The following NRXN1 variants were observed in gnomAD, a reference collection of about 807,000 sequenced individuals.
NRXN1 encodes the protein neurexin 1.
Under a neutral mutation model 150.9 loss-of-function variants are expected in NRXN1, and 39 were observed. The observed-to-expected ratio is 0.26, with a 90% CI of 0.20 to 0.34. The LOEUF is 0.34. Ranked by LOEUF, NRXN1 falls within the 10% of genes least tolerant of loss-of-function variation. The probability of loss-of-function intolerance (pLI) is 1.00; values close to 1 mark genes in which losing one functional copy is unlikely to be tolerated. For synonymous variants in NRXN1, 924 were observed against 757.0 expected (o/e 1.22, Z -3.62); for missense variants, 1,815 against 1,949.9 (o/e 0.93, Z 1.30).
At position 50,079,733 on chromosome 2, in the gene NRXN1, A is replaced by T. The variant is rs867116826; in HGVS notation, c.3718+11590T>A. Among the ~76,000 whole-genome samples, 10 of 152,114 alleles carry T rather than the reference A, an allele frequency of 6.6e-5. No individual in the cohort carries two copies. In the South Asian group the frequency reaches 2.1e-3, roughly 31 times the overall value. ...AATACTAAATCATACAGAATAAGAA[A>T]ATAATGGTGAGACAAAGTTGAAAAA... On this transcript the variant is annotated intron_variant, in intron 19 of 22. Coordinates refer to ENST00000401669, the MANE Select transcript of NRXN1 (RefSeq NM_001330078.2).
At chr2:50,001,638 T>C (rs2152534265) in intron 21 of NRXN1, among the ~76,000 whole-genome samples, 1 of 152,254 alleles carries the variant, frequency 6.6e-6, no homozygotes, top group South Asian at 2.1e-4. Flanking sequence ...AATAATAACA[T>C]TTAATTTTTA....
At chr2:50,867,917 T>C (rs1338716770) in intron 5 of NRXN1, among the ~76,000 whole-genome samples, 1 of 151,616 alleles carries the variant, frequency 6.6e-6, no homozygotes, top group African/African-American at 2.4e-5. Context: ...TAGAACAAGA[T>C]GCACTTTTTG....
intron 17 of NRXN1, among the ~76,000 whole-genome samples, chr2:50,264,641 A>T (rs13397378): frequency 6.6e-6 from 1 of 152,104 alleles, no homozygotes; most frequent in African/African-American, 2.4e-5. Context: ...CAGCACAAGG[A>T]TGATCTCCCT....
intron 5 of NRXN1, among the ~76,000 whole-genome samples, chr2:50,716,711 G>A (rs184043940): frequency 6.1e-4 from 93 of 152,048 alleles, no homozygotes; most frequent in Non-Finnish European, 9.9e-4. Context: ...CTGGATTTCC[G>A]GAGCTAACAA....
intron 19 of NRXN1, among the ~76,000 whole-genome samples, chr2:50,081,970 G>A (rs1434713273): frequency 6.6e-6 from 1 of 152,028 alleles, no homozygotes; most frequent in East Asian, 1.9e-4. Flanking sequence ...TTATAAAAGC[G>A]ACTGTTATAA....
chr2:50,946,898 A>T (rs1462286585), intron 2 of NRXN1, among the ~76,000 whole-genome samples: 3 of 152,192 alleles, frequency 2.0e-5, no homozygotes, highest in Non-Finnish European at 4.4e-5. Flanking sequence ...AATATTGCTT[A>T]AACTGTCCAT....
intron 2 of NRXN1, among the ~76,000 whole-genome samples, chr2:50,954,914 G>A (rs536786333): frequency 1.1e-4 from 17 of 152,268 alleles, no homozygotes; most frequent in African/African-American, 3.9e-4. Flanking sequence ...AGAGATTGGT[G>A]TACAGCATTT....
chr2:50,067,537 A>G (rs1454755240), intron 19 of NRXN1, among the ~76,000 whole-genome samples: 2 of 152,198 alleles, frequency 1.3e-5, no homozygotes, highest in Non-Finnish European at 1.5e-5. Flanking sequence ...CAAGAAATGA[A>G]AAGCAGCAGG....
intron 5 of NRXN1, among the ~76,000 whole-genome samples, chr2:50,639,853 A>G (rs1184711707): frequency 1.3e-5 from 2 of 152,198 alleles, no homozygotes; most frequent in East Asian, 3.9e-4. Flanking sequence ...GTTTCTTTTC[A>G]TATGTATTAT....
At chr2:49,932,776 T>C (rs1042067213) in intron 22 of NRXN1, among the ~76,000 whole-genome samples, 3 of 152,220 alleles carry the variant, frequency 2.0e-5, no homozygotes, top group East Asian at 1.9e-4. Context: ...TATTATTATA[T>C]GGTAATTGCT....
At chr2:50,353,377 C>T (rs1572648127) in intron 17 of NRXN1, among the ~76,000 whole-genome samples, 2 of 151,996 alleles carry the variant, frequency 1.3e-5, no homozygotes, top group Non-Finnish European at 2.9e-5. Context: ...TTGTTTCAAC[C>T]GATTTCTGTT....
chr2:49,921,822 C>T lies in NRXN1; in HGVS notation c.*122G>A. On this transcript the variant is annotated 3_prime_UTR_variant, in exon 23 of 23. Coordinates refer to ENST00000401669, the MANE Select transcript of NRXN1 (RefSeq NM_001330078.2). ...TTATTTTTTAAAAAGTCTTTCCTTC[C>T]TGATTGCATTCCCTGTCTTCTTTTG... 1 of 973,654 alleles carries T rather than the reference C, an allele frequency of 1.0e-6. No homozygotes were observed. The highest frequency in any genetic ancestry group is 1.7e-5 in the South Asian group (1 of 58,956). The allele number at this position is 973,654 out of a possible 1,614,324, so 60.3% of individuals were successfully genotyped here.
chr2:50,945,484 A>G (rs1363497800), intron 2 of NRXN1, among the ~76,000 whole-genome samples: 2 of 142,774 alleles, frequency 1.4e-5, no homozygotes, highest in Non-Finnish European at 3.0e-5. Context: ...AACTAGATAT[A>G]TAAATATATA....
chr2:50,159,828 T>A (rs76559474), intron 18 of NRXN1, among the ~76,000 whole-genome samples: 15,610 of 152,254 alleles, frequency 0.1, 940 homozygotes, highest in Middle Eastern at 0.2. Context: ...CAAGTTATTA[T>A]TTAATAATAC....
intron 13 of NRXN1, among the ~76,000 whole-genome samples, chr2:50,498,859 G>A (rs1342298005): frequency 1.3e-5 from 2 of 152,064 alleles, no homozygotes; most frequent in Admixed American, 6.6e-5. Flanking sequence ...GTTCTTCCAC[G>A]TGCTAGCTTC....
At chr2:50,522,640 G>C (rs1052537618) in intron 12 of NRXN1, among the ~76,000 whole-genome samples, 11 of 145,656 alleles carry the variant, frequency 7.6e-5, no homozygotes, top group Non-Finnish European at 1.3e-4. Flanking sequence ...AATGAAAGCT[G>C]TATTCTTCTT....
At chr2:50,480,160 T>G (rs1199346886) in intron 15 of NRXN1, among the ~76,000 whole-genome samples, 1 of 152,194 alleles carries the variant, frequency 6.6e-6, no homozygotes, top group Non-Finnish European at 1.5e-5. Context: ...CCCACTCTGA[T>G]AGTGTAACTT....
At chr2:50,613,361 T>G (rs1034214408) in intron 8 of NRXN1, among the ~76,000 whole-genome samples, 1 of 152,180 alleles carries the variant, frequency 6.6e-6, no homozygotes, top group East Asian at 1.9e-4. Context: ...GTCAGAGCAC[T>G]TAGCTCAAAT....
chr2:50,315,748 C>CA (rs1323568921), intron 17 of NRXN1, among the ~76,000 whole-genome samples: 1 of 152,040 alleles, frequency 6.6e-6, no homozygotes, highest in Non-Finnish European at 1.5e-5. Flanking sequence ...GGCACATTAT[C>CA]AAAAAATAAC....
Sources: gnomAD v4.1 joint callset for allele counts (sites outside exome capture counted in the v4.1 genomes callset) on GRCh38, gnomAD v4.1.1 for gene constraint, MANE v1.5 for transcripts, NCBI Gene and HGNC (gene_info 2026-07-23, HGNC 2026-07-21) for gene names.